ARHGEF38: variants seen among roughly 807,000 people sequenced by gnomAD.
ARHGEF38 encodes the protein Rho guanine nucleotide exchange factor 38.
Under a neutral mutation model 79.9 loss-of-function variants are expected in ARHGEF38, and 79 were observed. The ratio of observed to expected loss-of-function variants is 0.99; its 90% CI spans 0.82 to 1.19. The LOEUF (loss-of-function observed/expected upper bound fraction) is 1.19. Ranked by LOEUF, ARHGEF38 falls within the 50% of genes most tolerant of loss-of-function variation. The pLI is 0.00. For missense variants in ARHGEF38, 962 were observed against 907.2 expected (o/e 1.06, Z -0.78); for synonymous variants, 366 against 328.3 (o/e 1.11, Z -1.24).
chr4:105,579,010 T>C (rs1021138438), intron 1 of ARHGEF38, among the ~76,000 whole-genome samples: 1 of 152,320 alleles, frequency 6.6e-6, no homozygotes, highest in Non-Finnish European at 1.5e-5. Context: ...GATTTTATGC[T>C]GTCAAGAAGT....
intron 1 of ARHGEF38, chr4:105,561,704 G>T (rs1450786102): frequency 7.2e-5 from 11 of 151,966 alleles, no homozygotes; most frequent in Non-Finnish European, 1.3e-4. Flanking sequence ...CCTGTGAATT[G>T]TATAGACAAA....
intron 6 of ARHGEF38, among the ~76,000 whole-genome samples, chr4:105,645,641 C>G (rs1413537069): frequency 2.0e-5 from 3 of 152,184 alleles, no homozygotes; most frequent in Non-Finnish European, 4.4e-5. Context: ...CCACTGCAAT[C>G]CTGGTGACAT....
chr4:105,667,258 G>A lies in ARHGEF38; in HGVS notation c.1819G>A (p.Asp607Asn), dbSNP rs1341561056. The A allele has an allele frequency of 6.5e-7, 1 of 1,536,226 alleles. No individual in the cohort carries two copies. Among genetic ancestry groups the A allele is most frequent in the Non-Finnish European group, 8.7e-7 (1 of 1,146,934 alleles). ...ATATGACATCAATCTTCTGGAAGGA[G>A]ACTTGGTGGCTGTGATAGAACAGAA... ...QEYDINLLEG[D>N]LVAVIEQKDP... The change falls in exon 12 of 14, where the codon GAC becomes AAC. Residue 607 changes from aspartate (D) to asparagine (N), a missense_variant. Transcript: ENST00000420470.
chr4:105,605,387 T>C (rs17035939), intron 2 of ARHGEF38, among the ~76,000 whole-genome samples: 17,742 of 152,108 alleles, frequency 0.12, 1,109 homozygotes, highest in Middle Eastern at 0.2. Context: ...GTTGCCTCTG[T>C]CCTTCCTCAC....
intron 13 of ARHGEF38, among the ~76,000 whole-genome samples, chr4:105,669,530 C>T (rs1017128626): frequency 1.3e-5 from 2 of 151,552 alleles, no homozygotes; most frequent in Non-Finnish European, 2.9e-5. Context: ...TATTCAGTTT[C>T]TTTCATTAAC....
At chr4:105,652,012 A>C (rs1730125099) in intron 7 of ARHGEF38, among the ~76,000 whole-genome samples, 1 of 152,232 alleles carries the variant, frequency 6.6e-6, no homozygotes, top group South Asian at 2.1e-4. Context: ...AGACATGAAA[A>C]CAAGGCTTCA....
intron 1 of ARHGEF38, among the ~76,000 whole-genome samples, chr4:105,557,025 A>G (rs1725283391): frequency 6.6e-6 from 1 of 152,170 alleles, no homozygotes; most frequent in South Asian, 2.1e-4. Context: ...CTTAACTTCC[A>G]CTAGCTCAAT....
intron 2 of ARHGEF38, among the ~76,000 whole-genome samples, chr4:105,600,962 A>T (rs2110475067): frequency 6.6e-6 from 1 of 152,226 alleles, no homozygotes; most frequent in Non-Finnish European, 1.5e-5. Context: ...TGGTTCAAGA[A>T]CCTATCAATA....
intron 2 of ARHGEF38, among the ~76,000 whole-genome samples, chr4:105,605,215 G>A (rs1727988374): frequency 6.6e-6 from 1 of 152,074 alleles, no homozygotes; most frequent in South Asian, 2.1e-4. Context: ...TTTTACTCAA[G>A]GATACCAATA....
chr4:105,591,431 G>C (rs1727330655), intron 2 of ARHGEF38, among the ~76,000 whole-genome samples: 1 of 152,142 alleles, frequency 6.6e-6, no homozygotes, highest in Admixed American at 6.5e-5. Context: ...GGGTTTCACA[G>C]TGTTAGCCAG....
intron 5 of ARHGEF38, among the ~76,000 whole-genome samples, chr4:105,643,185 A>C (rs948981251): frequency 6.6e-6 from 1 of 151,022 alleles, no homozygotes; most frequent in Non-Finnish European, 1.5e-5. Flanking sequence ...TTTATAATAG[A>C]TTTATTTTTA....
intron 2 of ARHGEF38, among the ~76,000 whole-genome samples, chr4:105,609,924 A>G (rs1257312301): frequency 1.3e-5 from 2 of 152,272 alleles, no homozygotes; most frequent in East Asian, 1.9e-4. Flanking sequence ...TTACTGCAGC[A>G]CTGTTTACAA....
chr4:105,635,923 A>G (rs1729378239), intron 4 of ARHGEF38, among the ~76,000 whole-genome samples: 1 of 152,088 alleles, frequency 6.6e-6, no homozygotes, highest in Admixed American at 6.6e-5. Context: ...TGAGGAAACA[A>G]TTGCTTCACA....
chr4:105,579,049 G>A (rs1477092708), intron 1 of ARHGEF38, among the ~76,000 whole-genome samples: 1 of 152,038 alleles, frequency 6.6e-6, no homozygotes. Context: ...AAGCCTGGCT[G>A]TTCTTGGTGT....
intron 13 of ARHGEF38, among the ~76,000 whole-genome samples, chr4:105,676,092 T>G (rs1447550136): frequency 6.6e-6 from 1 of 152,204 alleles, no homozygotes; most frequent in Admixed American, 6.5e-5. Flanking sequence ...AGTTTAATAT[T>G]TAAATAACAA....
chr4:105,604,723 C>T (rs1286494411), intron 2 of ARHGEF38, among the ~76,000 whole-genome samples: 1 of 151,972 alleles, frequency 6.6e-6, no homozygotes, highest in East Asian at 1.9e-4. Flanking sequence ...TGAGTATGTA[C>T]AGGAAGAAGA....
At chr4:105,641,909 T>C (rs1014711575) in intron 5 of ARHGEF38, among the ~76,000 whole-genome samples, 13 of 152,208 alleles carry the variant, frequency 8.5e-5, no homozygotes, top group Non-Finnish European at 2.9e-5. Flanking sequence ...TTAGTGTAGC[T>C]ACTTTTGGCA....
Position 105,667,510 on chromosome 4 carries a change from A to C in ARHGEF38, c.1955A>C (p.Asp652Ala). 1 of 1,536,506 alleles carries C rather than the reference A, an allele frequency of 6.5e-7. No individual in the cohort carries two copies. The highest frequency in any genetic ancestry group is 8.7e-7 in the Non-Finnish European group (1 of 1,147,000). ...AATCCAGCAAAAATGCAGAAAGTGG[A>C]TGCTGAGAACAGGTTCTGTGACGAT... is the stretch of plus-strand genomic sequence containing the variant. ...PYNPAKMQKV[D>A]AENRFCDDDF... Residue 652 changes from aspartate (D) to alanine (A), a missense_variant, in exon 13 of 14, where the codon GAT becomes GCT. By Grantham distance (126) the Asp-to-Ala change is moderately radical (BLOSUM62 -2). Transcript: ENST00000420470.
At chr4:105,592,391 A>C (rs1383808512) in intron 2 of ARHGEF38, among the ~76,000 whole-genome samples, 2 of 151,892 alleles carry the variant, frequency 1.3e-5, no homozygotes, top group Non-Finnish European at 2.9e-5. Context: ...GCCTACTCCC[A>C]CTGGTACGAT....
Sources: gnomAD v4.1 joint callset for allele counts (sites outside exome capture counted in the v4.1 genomes callset) on GRCh38, gnomAD v4.1.1 for gene constraint, MANE v1.5 for transcripts, NCBI Gene and HGNC (gene_info 2026-07-23, HGNC 2026-07-21) for gene names.